Variants in IL1RAPL1 observed in about 807,000 individuals in gnomAD.
The protein encoded by IL1RAPL1 is interleukin-1 receptor accessory protein-like 1.
A neutral mutation model predicts 48.4 loss-of-function variants in IL1RAPL1; 3 were observed. That is an observed-to-expected ratio of 0.06 (90% CI 0.03 to 0.16). The LOEUF is 0.16. Ranked by LOEUF, IL1RAPL1 falls within the 10% of genes least tolerant of loss-of-function variation. The pLI is 1.00. For synonymous variants in IL1RAPL1, 185 were observed against 187.7 expected, an observed-to-expected ratio of 0.99 and a Z score of 0.12; for missense variants, 349 against 530.6, an observed-to-expected ratio of 0.66 and a Z score of 3.36.
chrX:29,354,643 A>G (rs1395395687), intron 3 of IL1RAPL1, among the ~76,000 whole-genome samples: 1 of 112,278 alleles, frequency 8.9e-6, no homozygotes, highest in Non-Finnish European at 1.9e-5. Context: ...AGCCCAGGAA[A>G]AGATCAAAAT....
intron 5 of IL1RAPL1, among the ~76,000 whole-genome samples, chrX:29,403,344 G>GGT (rs746681320): frequency 0.015 from 1,558 of 107,218 alleles, 23 homozygotes; most frequent in African/African-American, 0.044. Flanking sequence ...CTTATATTGG[G>GGT]GTGTGTGTGT....
At chrX:29,005,408 G>T (rs1340017105) in intron 2 of IL1RAPL1, among the ~76,000 whole-genome samples, 29 of 111,958 alleles carry the variant, frequency 2.6e-4, no homozygotes, top group African/African-American at 8.8e-4. Flanking sequence ...TAGAATATAT[G>T]AGATTAGAAT....
chrX:28,996,118 C>G (rs773454805), intron 2 of IL1RAPL1, among the ~76,000 whole-genome samples: 3 of 111,190 alleles, frequency 2.7e-5, no homozygotes, highest in Non-Finnish European at 5.7e-5. Context: ...CCAAATACAA[C>G]CCCTCCCTTC....
chrX:29,674,011 A>T (rs1162028638), intron 6 of IL1RAPL1, among the ~76,000 whole-genome samples: 1 of 112,731 alleles, frequency 8.9e-6, no homozygotes, highest in Admixed American at 9.4e-5. Context: ...TGATTCTCTC[A>T]GATTCTCAAA....
intron 2 of IL1RAPL1, among the ~76,000 whole-genome samples, chrX:29,029,612 T>A (rs1434873496): frequency 1.8e-5 from 2 of 112,207 alleles, no homozygotes; most frequent in Non-Finnish European, 3.8e-5. Flanking sequence ...ATGGTCTTGC[T>A]GATGTCCATC....
chrX:28,911,254 A>G (rs1485728626), intron 2 of IL1RAPL1, among the ~76,000 whole-genome samples: 1 of 111,590 alleles, frequency 9.0e-6, no homozygotes, highest in African/African-American at 3.2e-5. Flanking sequence ...TCAGGAAAGT[A>G]TTTACTTCAT....
chrX:29,048,996 T>C (rs781250258), intron 2 of IL1RAPL1, among the ~76,000 whole-genome samples: 1 of 112,601 alleles, frequency 8.9e-6, no homozygotes, highest in Non-Finnish European at 1.9e-5. Flanking sequence ...GCATTCTCAA[T>C]GCTCTATTAC....
chrX:29,680,311 G>A (rs886527206), intron 6 of IL1RAPL1, among the ~76,000 whole-genome samples: 5 of 111,755 alleles, frequency 4.5e-5, no homozygotes, highest in African/African-American at 1.6e-4. Flanking sequence ...GGCATACAGG[G>A]TGAAGGAATA....
chrX:29,254,121 T>C (rs1033137844), intron 2 of IL1RAPL1, among the ~76,000 whole-genome samples: 5 of 110,991 alleles, frequency 4.5e-5, no homozygotes, highest in African/African-American at 1.6e-4. Context: ...ATCCAGGGTT[T>C]GTTATGAGCC....
rs748411515 is a variant in IL1RAPL1, at chrX:29,548,890, ATTG to A, written c.704-119537_704-119535del. Among the ~76,000 whole-genome samples the A allele has an allele frequency of 5.4e-5, 6 of 111,970 alleles. No homozygotes were observed. In the East Asian group the frequency reaches 1.4e-3, roughly 26 times the overall value. On this transcript the variant is annotated intron_variant, in intron 5 of 10. Coordinates refer to ENST00000378993, the MANE Select transcript of IL1RAPL1 (RefSeq NM_014271.4). ...AAAGGCTATGAACATTGAATGCAATATTGTTATCTGTTTGCCTTGATTCATCAA... is the reference window on the plus strand; with the variant it reads ...AAAGGCTATGAACATTGAATGCAATATTATCTGTTTGCCTTGATTCATCAA...
chrX:29,612,979 T>G (rs1278209572), intron 5 of IL1RAPL1, among the ~76,000 whole-genome samples: 1 of 112,352 alleles, frequency 8.9e-6, no homozygotes, highest in African/African-American at 3.2e-5. Flanking sequence ...ATGCACATTC[T>G]TAATTTACTA....
chrX:29,379,351 GCC>G (rs781461002), intron 3 of IL1RAPL1, among the ~76,000 whole-genome samples: 113 of 112,363 alleles, frequency 1.0e-3, no homozygotes, highest in African/African-American at 3.5e-3. Flanking sequence ...AGGAAAGCCA[GCC>G]CCACTTTCTC....
rs1342825718 is a variant in IL1RAPL1 at position 29,036,522 on chromosome X, A to C, written c.83-246416A>C. Among the ~76,000 whole-genome samples the C allele has an allele frequency of 4.5e-5, 5 of 112,157 alleles. No homozygotes were observed. The Admixed American group carries it at 4.7e-4, about 11-fold the overall frequency. On this transcript the variant is annotated intron_variant, in intron 2 of 10. Transcript: ENST00000378993. Reference sequence around the variant, plus strand: ...ATTTGGTTTTAGTTTATTTTCTTACATCTCTTAATTACTGCTGGAAAATAT... The same window carrying C: ...ATTTGGTTTTAGTTTATTTTCTTACCTCTCTTAATTACTGCTGGAAAATAT...
chrX:28,853,486 TGC>T (rs1555930947), intron 2 of IL1RAPL1, among the ~76,000 whole-genome samples: 1 of 89,649 alleles, frequency 1.1e-5, no homozygotes, highest in South Asian at 5.8e-4. Flanking sequence ...TGCATGTGTG[TGC>T]GCGCGCACAC....
At chrX:29,646,235 A>G (rs922140598) in intron 5 of IL1RAPL1, among the ~76,000 whole-genome samples, 1 of 112,094 alleles carries the variant, frequency 8.9e-6, no homozygotes, top group Admixed American at 9.5e-5. Flanking sequence ...AGTACAATAA[A>G]TTTAACAGCA....
chrX:29,011,170 T>G (rs1015988897), intron 2 of IL1RAPL1, among the ~76,000 whole-genome samples: 7 of 111,744 alleles, frequency 6.3e-5, no homozygotes, highest in African/African-American at 2.3e-4. Context: ...CAACTCTTTG[T>G]GCGGATATAA....
rs1164083890 is a variant in IL1RAPL1, at chrX:29,127,041, T to A, written c.83-155897T>A. On this transcript the variant is annotated intron_variant, in intron 2 of 10. Coordinates refer to ENST00000378993, the MANE Select transcript of IL1RAPL1 (RefSeq NM_014271.4). ...ATGCCTGTTGAACTGTACAGTATAA[T>A]ACATGGATAAACAATCCAAATGACT... Among the ~76,000 whole-genome samples the A allele has an allele frequency of 3.6e-5, 4 of 111,699 alleles. No homozygotes were observed. In the South Asian group the frequency reaches 1.5e-3, roughly 42 times the overall value.
chrX:29,399,569 C>T (rs1602215287), intron 5 of IL1RAPL1, among the ~76,000 whole-genome samples: 1 of 111,413 alleles, frequency 9.0e-6, no homozygotes, highest in Non-Finnish European at 1.9e-5. Flanking sequence ...GCCTGTAATC[C>T]CAGCACTTTG....
At chrX:29,852,417 G>A (rs1187208223) in intron 6 of IL1RAPL1, among the ~76,000 whole-genome samples, 1 of 112,011 alleles carries the variant, frequency 8.9e-6, no homozygotes, top group Admixed American at 9.4e-5. Context: ...CTACGAATCT[G>A]GCAGCAGACA....
Sources: allele counts gnomAD v4.1 joint callset (sites outside exome capture counted in the v4.1 genomes callset), GRCh38; gene constraint gnomAD v4.1.1; transcripts MANE v1.5; gene names NCBI Gene and HGNC (gene_info 2026-07-23, HGNC 2026-07-21).